Variants in CAMK2D observed in about 807,000 individuals in gnomAD.
CAMK2D encodes calcium/calmodulin-dependent protein kinase type II subunit delta.
A neutral mutation model predicts 84.0 loss-of-function variants in CAMK2D; 37 were observed. That is an observed-to-expected ratio of 0.44 (90% CI 0.34 to 0.58). The LOEUF is 0.58. Among genes scored for constraint, CAMK2D ranks in the 20% least tolerant of loss-of-function variants. The pLI is 0.02. For synonymous variants in CAMK2D, 202 were observed against 212.5 expected, an observed-to-expected ratio of 0.95 and a Z score of 0.43; for missense variants, 448 against 652.5, an observed-to-expected ratio of 0.69 and a Z score of 3.41.
chr4:113,462,280 GTGTGTGTGTGTGTGTCTGTCTGTCTGTC>G (rs1300260558), intron 17 of CAMK2D, among the ~76,000 whole-genome samples: 15 of 87,914 alleles, frequency 1.7e-4, no homozygotes, highest in African/African-American at 2.8e-4. Flanking sequence ...GTGTGTGTGT[GTGTGTGTGTGTGTGTCTGTCTGTCTGTC>G]TGTCTGTCTG....
intron 2 of CAMK2D, among the ~76,000 whole-genome samples, chr4:113,695,391 A>G (rs79696584): frequency 0.014 from 2,125 of 152,210 alleles, 72 homozygotes; most frequent in East Asian, 0.13. Flanking sequence ...ACCATATCCA[A>G]GGGTCAACTC....
intron 3 of CAMK2D, among the ~76,000 whole-genome samples, chr4:113,626,282 A>C (rs1592143116): frequency 6.6e-6 from 1 of 152,306 alleles, no homozygotes; most frequent in African/African-American, 2.4e-5. Flanking sequence ...CGGAGAAATC[A>C]AGAAAAACAA....
At chr4:113,727,191 G>C (rs28501689) in intron 2 of CAMK2D, among the ~76,000 whole-genome samples, 52,750 of 152,010 alleles carry the variant, frequency 0.35, 12,767 homozygotes, top group African/African-American at 0.69. Context: ...GCCATTCAAA[G>C]AAACATCAGG....
intron 3 of CAMK2D, among the ~76,000 whole-genome samples, chr4:113,639,426 G>A (rs932516409): frequency 2.0e-5 from 3 of 152,044 alleles, no homozygotes; most frequent in Admixed American, 6.6e-5. Context: ...TTTGTGGGGG[G>A]AATAAGGATA....
intron 2 of CAMK2D, among the ~76,000 whole-genome samples, chr4:113,684,548 C>G (rs541536271): frequency 1.3e-5 from 2 of 152,206 alleles, no homozygotes; most frequent in South Asian, 4.1e-4. Context: ...AGGACTTGCT[C>G]AGAACAAGGG....
At chr4:113,688,441 T>C (rs1340463216) in intron 2 of CAMK2D, among the ~76,000 whole-genome samples, 1 of 152,222 alleles carries the variant, frequency 6.6e-6, no homozygotes, top group East Asian at 1.9e-4. Context: ...ACATTAAAAA[T>C]GGCATAGTAA....
chr4:113,740,038 T>C (rs1327337710), intron 2 of CAMK2D, among the ~76,000 whole-genome samples: 3 of 152,340 alleles, frequency 2.0e-5, no homozygotes, highest in South Asian at 2.1e-4. Flanking sequence ...TGTGTTATAA[T>C]GCAAATTAAT....
intron 2 of CAMK2D, among the ~76,000 whole-genome samples, chr4:113,696,800 T>C (rs988888071): frequency 2.0e-5 from 3 of 152,106 alleles, no homozygotes; most frequent in African/African-American, 7.2e-5. Flanking sequence ...AACTGAACTG[T>C]AGAAATTTTA....
intron 2 of CAMK2D, chr4:113,679,560 T>A: frequency 2.1e-6 from 1 of 466,212 alleles, no homozygotes; most frequent in Non-Finnish European, 2.8e-6. Context: ...TCATATCCCT[T>A]AACCATGGGT....
chr4:113,696,536 T>C (rs544958322), intron 2 of CAMK2D, among the ~76,000 whole-genome samples: 172 of 152,238 alleles, frequency 1.1e-3, no homozygotes, highest in African/African-American at 3.7e-3. Flanking sequence ...TCTCAAGGGT[T>C]GTTATTACCC....
chr4:113,491,984 G>T (rs1590088766), intron 16 of CAMK2D, among the ~76,000 whole-genome samples: 1 of 152,092 alleles, frequency 6.6e-6, no homozygotes, highest in East Asian at 1.9e-4. Context: ...GATCGGTGGT[G>T]ATATCCCCTT....
intron 3 of CAMK2D, among the ~76,000 whole-genome samples, chr4:113,639,788 A>C (rs1169433366): frequency 6.6e-6 from 1 of 152,116 alleles, no homozygotes; most frequent in Non-Finnish European, 1.5e-5. Context: ...GCAAACAAAT[A>C]GGGGAACTCA....
chr4:113,461,704 A>G (rs924688832), intron 17 of CAMK2D, among the ~76,000 whole-genome samples: 5 of 152,186 alleles, frequency 3.3e-5, no homozygotes, highest in African/African-American at 1.2e-4. Context: ...AAATCAAAGG[A>G]TTTTGGACTG....
intron 2 of CAMK2D, among the ~76,000 whole-genome samples, chr4:113,686,516 C>T (rs1023201401): frequency 2.6e-5 from 4 of 152,062 alleles, no homozygotes; most frequent in African/African-American, 9.7e-5. Flanking sequence ...TCTTTAGGAC[C>T]TCTAATTGTA....
At chr4:113,555,944 T>C (rs762917753) in intron 4 of CAMK2D, among the ~76,000 whole-genome samples, 2 of 151,922 alleles carry the variant, frequency 1.3e-5, no homozygotes, top group African/African-American at 2.4e-5. Flanking sequence ...TGTAGAGATA[T>C]AAGAAAAAGT....
chr4:113,737,024 A>C (rs1399959728), intron 2 of CAMK2D, among the ~76,000 whole-genome samples: 2 of 152,198 alleles, frequency 1.3e-5, no homozygotes, highest in Non-Finnish European at 2.9e-5. Flanking sequence ...TATCAAAAGT[A>C]AGCAGTCTAC....
At chr4:113,740,253 C>A (rs1166558390) in intron 2 of CAMK2D, among the ~76,000 whole-genome samples, 1 of 152,018 alleles carries the variant, frequency 6.6e-6, no homozygotes, top group Non-Finnish European at 1.5e-5. Context: ...TAGAAACAAT[C>A]CAAAAGTCCT....
chr4:113,555,271 T>A (rs1259447760), intron 4 of CAMK2D, among the ~76,000 whole-genome samples: 1 of 152,094 alleles, frequency 6.6e-6, no homozygotes. Flanking sequence ...TAGCACTGAC[T>A]TGGAGATTAA....
chr4:113,660,279 G>C (rs1335101080), intron 3 of CAMK2D, among the ~76,000 whole-genome samples: 3 of 151,960 alleles, frequency 2.0e-5, no homozygotes. Context: ...TGTTTTTCTT[G>C]TTTCTTATAT....
Sources: allele counts gnomAD v4.1 joint callset (sites outside exome capture counted in the v4.1 genomes callset), GRCh38; gene constraint gnomAD v4.1.1; transcripts MANE v1.5; gene names NCBI Gene and HGNC (gene_info 2026-07-23, HGNC 2026-07-21).